EYA3: variants seen among roughly 807,000 people sequenced by gnomAD.
EYA3 encodes protein phosphatase EYA3.
EYA3 carries 39 observed loss-of-function variants against 80.0 expected under a neutral mutation model. The observed-to-expected ratio is 0.49, with a 90% confidence interval of 0.38 to 0.64. EYA3 has a LOEUF of 0.64. Ranked by LOEUF, EYA3 falls within the 30% of genes least tolerant of loss-of-function variation. The pLI is 0.00. For synonymous variants in EYA3, 206 were observed against 232.8 expected (o/e 0.88, Z 1.05); for missense variants, 523 against 676.1 (o/e 0.77, Z 2.51).
rs571534702 is a variant in EYA3, at chr1:27,996,558, T to A, written c.1142+762A>T. Among the ~76,000 whole-genome samples, 3 of 152,334 alleles carry A rather than the reference T, an allele frequency of 2.0e-5. No homozygotes were observed. In the East Asian group the frequency reaches 5.8e-4, roughly 29 times the overall value. The stretch of plus-strand genomic sequence containing the variant: ...TACAACTGGATGCTGTACCTGAAAG[T>A]GAAACCTTCCAATATTCTCAGCTCT... On this transcript the variant is annotated intron_variant, in intron 13 of 17. Transcript: ENST00000373871.
intron 3 of EYA3, among the ~76,000 whole-genome samples, chr1:28,044,351 G>A (rs1643925112): frequency 6.6e-6 from 1 of 152,128 alleles, no homozygotes; most frequent in African/African-American, 2.4e-5. Context: ...CCGTCAACGA[G>A]AATAAAAATG....
intron 14 of EYA3, among the ~76,000 whole-genome samples, chr1:27,991,999 A>C (rs1640098987): frequency 6.6e-6 from 1 of 152,244 alleles, no homozygotes; most frequent in Non-Finnish European, 1.5e-5. Flanking sequence ...CATGAGAAGA[A>C]ATAAGCAACA....
intron 6 of EYA3, among the ~76,000 whole-genome samples, chr1:28,028,317 T>C (rs529194244): frequency 6.6e-6 from 1 of 152,330 alleles, no homozygotes; most frequent in East Asian, 1.9e-4. Context: ...AGACATTCCA[T>C]ATAAGTTTAA....
intron 16 of EYA3, among the ~76,000 whole-genome samples, chr1:27,982,559 G>C (rs566685034): frequency 6.6e-6 from 1 of 150,550 alleles, no homozygotes; most frequent in Non-Finnish European, 1.5e-5. Flanking sequence ...ATTACATACT[G>C]TACATTTATC....
At chr1:28,043,953 A>G (rs1305536088) in intron 3 of EYA3, among the ~76,000 whole-genome samples, 1 of 152,246 alleles carries the variant, frequency 6.6e-6, no homozygotes, top group Non-Finnish European at 1.5e-5. Context: ...CAGTTAAATA[A>G]AACACAAACA....
At chr1:28,076,706 GTCTC>G (rs1380400015) in intron 1 of EYA3, among the ~76,000 whole-genome samples, 6 of 119,548 alleles carry the variant, frequency 5.0e-5, no homozygotes, top group South Asian at 2.9e-4. Flanking sequence ...GAAAAAAAAT[GTCTC>G]TCTAAGAATA....
intron 1 of EYA3, among the ~76,000 whole-genome samples, chr1:28,073,682 C>T (rs909898132): frequency 6.6e-6 from 1 of 151,958 alleles, no homozygotes; most frequent in Admixed American, 6.6e-5. Flanking sequence ...GTGATCCACC[C>T]GCCTTGGCCT....
At chr1:28,000,163 G>A in intron 11 of EYA3, 114 bp from the exon 12 acceptor site, 1 of 576,232 alleles carries the variant, frequency 1.7e-6, no homozygotes, top group Non-Finnish European at 3.0e-6. Flanking sequence ...TCCCAACTGT[G>A]CTTCAAACTA....
Position 28,001,152 on chromosome 1 carries a change from T to C in EYA3, c.994-1103A>G, listed in dbSNP as rs531456141. 3.4e-5 allele frequency among the ~76,000 whole-genome samples: 5 copies of C among 149,140 alleles called. No homozygotes were observed. In the South Asian group the frequency reaches 1.0e-3, roughly 31 times the overall value. ...AGATATATACATTATATATACACAG[T>C]AATATATAATTTATATAAACTATAT... On this transcript the variant is annotated intron_variant, in intron 11 of 17. Coordinates refer to ENST00000373871, the MANE Select transcript of EYA3 (RefSeq NM_001990.4).
At chr1:28,024,601 G>A (rs1164843215) in intron 7 of EYA3, among the ~76,000 whole-genome samples, 3 of 148,694 alleles carry the variant, frequency 2.0e-5, no homozygotes, top group African/African-American at 7.4e-5. Flanking sequence ...AGGTTGTAGT[G>A]AGCCGAGAGC....
chr1:28,083,933 T>C (rs978086248), intron 1 of EYA3, among the ~76,000 whole-genome samples: 1 of 152,198 alleles, frequency 6.6e-6, no homozygotes, highest in Non-Finnish European at 1.5e-5. Flanking sequence ...GAAATAAATG[T>C]ATTACAAAGA....
chr1:28,011,333 G>A (rs1641683181), intron 9 of EYA3, among the ~76,000 whole-genome samples: 1 of 152,180 alleles, frequency 6.6e-6, no homozygotes, highest in African/African-American at 2.4e-5. Flanking sequence ...TATCAATGAA[G>A]TTGTTTTGCC....
Position 27,991,364 on chromosome 1 carries a change from T to C in EYA3, c.1304-1553A>G, listed in dbSNP as rs1640049996. ...TCCAGGTTGAATGACTAATTCTCCA[T>C]ACTGTACTTCTGAAACAACTCCAAC... On this transcript the variant is annotated intron_variant, in intron 14 of 17. Transcript: ENST00000373871. Among the ~76,000 whole-genome samples the C allele has an allele frequency of 2.0e-5, 3 of 152,168 alleles. No individual in the cohort carries two copies. In the South Asian group the frequency reaches 6.2e-4, roughly 32 times the overall value.
At chr1:28,083,378 G>A (rs1645499529) in intron 1 of EYA3, among the ~76,000 whole-genome samples, 1 of 152,048 alleles carries the variant, frequency 6.6e-6, no homozygotes, top group Admixed American at 6.6e-5. Context: ...AAATTAGCCG[G>A]GCTTGGTGGC....
rs146678835 is a variant in EYA3 at position 27,978,383 on chromosome 1, T to C, written c.1632A>G (p.Ala544=). 85 of 1,613,468 alleles carry C rather than the reference T, an allele frequency of 5.3e-5. No individual in the cohort carries two copies. The highest frequency in any genetic ancestry group is 1.6e-4 in the Middle Eastern group (1 of 6,082). ...TCTTTACCATGGTTACCTGTTTGGCTGCAATTTCTTCATCTCGTCCATCTC... is the reference window on the plus strand; with the variant it reads ...TCTTTACCATGGTTACCTGTTTGGCCGCAATTTCTTCATCTCGTCCATCTC... ...VIGDGRDEEI[A]AKQHNMPFWR... is the part of the protein sequence containing the mutation. The change falls in exon 17 of 18, where the codon GCA becomes GCG. Residue 544 remains alanine (A), a synonymous_variant. Coordinates refer to ENST00000373871, the MANE Select transcript of EYA3 (RefSeq NM_001990.4).
chr1:27,979,391 C>A (rs1188061253), intron 16 of EYA3, among the ~76,000 whole-genome samples: 1 of 152,140 alleles, frequency 6.6e-6, no homozygotes, highest in Non-Finnish European at 1.5e-5. Flanking sequence ...TTTGTCATAT[C>A]TGGAACCTCC....
intron 16 of EYA3, among the ~76,000 whole-genome samples, chr1:27,982,707 C>A (rs1023660595): frequency 6.6e-6 from 1 of 151,772 alleles, no homozygotes; most frequent in Non-Finnish European, 1.5e-5. Context: ...ATTCTCAGGC[C>A]CCCGAGGAGC....
chr1:27,986,442 A>G (rs1639663753), intron 16 of EYA3, among the ~76,000 whole-genome samples: 1 of 145,956 alleles, frequency 6.9e-6, no homozygotes, highest in African/African-American at 2.5e-5. Flanking sequence ...TCTGTTGCCC[A>G]GGCTGGAGTG....
chr1:28,079,524 G>A (rs1026662749), intron 1 of EYA3, among the ~76,000 whole-genome samples: 10 of 152,134 alleles, frequency 6.6e-5, no homozygotes, highest in African/African-American at 1.9e-4. Context: ...CAACTGAAAG[G>A]ACCTAAACTT....
Sources: gnomAD v4.1 joint callset for allele counts (sites outside exome capture counted in the v4.1 genomes callset) on GRCh38, gnomAD v4.1.1 for gene constraint, MANE v1.5 for transcripts, NCBI Gene and HGNC (gene_info 2026-07-23, HGNC 2026-07-21) for gene names.